The following UBAP2 variants were observed in gnomAD, a reference collection of about 807,000 sequenced individuals.
The protein encoded by UBAP2 is ubiquitin-associated protein 2.
In UBAP2, 75 loss-of-function variants were observed where a neutral mutation model predicts 139.6. The observed-to-expected ratio is 0.54, with a 90% CI of 0.45 to 0.65. The LOEUF is 0.65. Ranked by LOEUF, UBAP2 falls within the 30% of genes least tolerant of loss-of-function variation. UBAP2 has a pLI of 0.00. For missense variants in UBAP2, 1,368 were observed against 1,369.6 expected, an observed-to-expected ratio of 1.00 and a Z score of 0.02; for synonymous variants, 526 against 526.2, an observed-to-expected ratio of 1.00 and a Z score of 0.01.
chr9:33,943,332 T>C (rs556947297), intron 15 of UBAP2, 88 bp downstream of exon 15: 6 of 1,336,396 alleles, frequency 4.5e-6, no homozygotes, highest in South Asian at 4.2e-5. Flanking sequence ...ACACTGAGGA[T>C]AGCTATTACC....
rs142537937 is a variant in UBAP2 at position 33,932,430 on chromosome 9, C to T, written c.2175+132G>A. 292 of 1,022,790 alleles carry T rather than the reference C, an allele frequency of 2.9e-4. No homozygotes were observed. In the African/African-American group the frequency reaches 4.3e-3, roughly 15 times the overall value. The allele number at this position is 1,022,790 out of a possible 1,614,324, so 63.4% of individuals were successfully genotyped here. A position where few individuals can be genotyped will look rare whatever the true frequency, so the allele number is the denominator to read the frequency against. On this transcript the variant is annotated intron_variant, in intron 19 of 28. Coordinates refer to ENST00000379238, the MANE Select transcript of UBAP2 (RefSeq NM_001370062.2). ...ATCAGAAGCTCGAACCAGATCATGC[C>T]ATCAAGACATTTCAGCCAAGCAACT...
chr9:33,997,721 A>G (rs1587634178), intron 3 of UBAP2: 1 of 152,210 alleles, frequency 6.6e-6, no homozygotes, highest in East Asian at 1.9e-4. Flanking sequence ...CTAAAATTAG[A>G]ACTTAAATCT....
intron 1 of UBAP2, among the ~76,000 whole-genome samples, chr9:34,042,361 C>T (rs1275232686): frequency 1.3e-5 from 2 of 151,532 alleles, no homozygotes; most frequent in South Asian, 2.1e-4. Flanking sequence ...ACCTATAATC[C>T]GAGCTACTCG....
At chr9:33,936,943 A>C (rs950222872) in intron 16 of UBAP2, among the ~76,000 whole-genome samples, 26 of 151,150 alleles carry the variant, frequency 1.7e-4, no homozygotes, top group Admixed American at 6.6e-4. Flanking sequence ...AAAAAAAAAA[A>C]AAAAAAAAAC....
chr9:33,922,869 T>G lies in UBAP2; in HGVS notation c.3082A>C (p.Lys1028Gln). Residue 1028 changes from lysine (K) to glutamine (Q), a missense_variant, in exon 28 of 29, where the codon AAG (lysine) becomes CAG (glutamine). Lys to Gln is a moderately conservative substitution (Grantham distance 53). Transcript: ENST00000379238. ...SVYNKTQTFDKQGFHAGTPPP... is the reference protein window; with the variant it reads ...SVYNKTQTFDQQGFHAGTPPP... ...GGCGTCCCTGCATGAAATCCCTGCTTGTCAAAAGTCTACAGGGCAAAGAAG... is the reference window on the plus strand; with the variant it reads ...GGCGTCCCTGCATGAAATCCCTGCTGGTCAAAAGTCTACAGGGCAAAGAAG... The G allele has an allele frequency of 1.3e-6, 2 of 1,595,426 alleles. No homozygotes were observed. The highest frequency in any genetic ancestry group is 1.7e-6 in the Non-Finnish European group (2 of 1,168,406).
At chr9:34,025,160 A>G (rs1825301972) in intron 1 of UBAP2, among the ~76,000 whole-genome samples, 1 of 152,196 alleles carries the variant, frequency 6.6e-6, no homozygotes, top group African/African-American at 2.4e-5. Flanking sequence ...TACTGTTAGG[A>G]GGAACTTCTA....
intron 28 of UBAP2, 23 bp from the exon 29 acceptor site, chr9:33,922,622 G>A: frequency 6.2e-7 from 1 of 1,608,704 alleles, no homozygotes; most frequent in Non-Finnish European, 8.5e-7. Context: ...AGAAGGGAAG[G>A]CTGTCAAGGC....
At chr9:34,030,079 C>T (rs908531832) in intron 1 of UBAP2, among the ~76,000 whole-genome samples, 3 of 151,378 alleles carry the variant, frequency 2.0e-5, no homozygotes, top group Admixed American at 6.6e-5. Context: ...GGCAGGAGAG[C>T]AGTGTGGGGC....
chr9:34,039,379 C>G lies in UBAP2; in HGVS notation c.-42+9446G>C, dbSNP rs1040797092. Among the ~76,000 whole-genome samples the G allele has an allele frequency of 2.0e-5, 3 of 152,144 alleles. No individual in the cohort carries two copies. In the East Asian group the frequency reaches 5.8e-4, roughly 29 times the overall value. ...ACCCAACTGCTCATTGAGAACGGGC[C>G]ATGATGACGATGGCGGTTTTGTCGA... is the stretch of plus-strand genomic sequence containing the variant. On this transcript the variant is annotated intron_variant, in intron 1 of 28. Transcript: ENST00000379238.
At chr9:33,923,577 C>G in intron 24 of UBAP2, 99 bp from the exon 25 acceptor site, 1 of 1,237,720 alleles carries the variant, frequency 8.1e-7, no homozygotes, top group Non-Finnish European at 1.2e-6. Context: ...GACATACCCA[C>G]AACCACAGGG....
chr9:33,962,027 T>A (rs1422931252), intron 9 of UBAP2, among the ~76,000 whole-genome samples: 1 of 152,184 alleles, frequency 6.6e-6, no homozygotes, highest in Non-Finnish European at 1.5e-5. Flanking sequence ...TAATTCTGTC[T>A]GAGAAACCAC....
chr9:33,963,769 G>A lies in UBAP2; in HGVS notation c.702C>T (p.Asn234=). 4 of 1,612,614 alleles carry A rather than the reference G, an allele frequency of 2.5e-6. No homozygotes were observed. The highest frequency in any genetic ancestry group is 3.4e-6 in the Non-Finnish European group (4 of 1,178,888). ...TTTTGTTTGACAGATCCTGAGCTAT[G>A]TTGTGAGTATTTGATGCCAGTTCTG... ...EGTELASNTH[N]IAQDLSNKSS... The change falls in exon 9 of 29, where the codon AAC becomes AAT. Residue 234 remains asparagine, a synonymous_variant. Transcript: ENST00000379238.
intron 8 of UBAP2, among the ~76,000 whole-genome samples, chr9:33,970,408 T>G (rs1587586226): frequency 1.3e-5 from 2 of 151,946 alleles, no homozygotes; most frequent in Non-Finnish European, 2.9e-5. Flanking sequence ...TTGGCTAGGG[T>G]TGATGTTATA....
Position 33,922,594 on chromosome 9 carries a change from G to A in UBAP2, c.3270C>T (p.Gly1090=). ...HHHLPQDAQS[G]SGQRSQPSSL... ...AGCTGGGCTGGCTGCGCTGACCCGA[G>A]CCACTCTGAGGAAGAGGAGAAGGGA... Residue 1090 remains glycine (G), a synonymous_variant, in exon 29 of 29, where the codon GGC becomes GGT. Coordinates refer to ENST00000379238, the MANE Select transcript of UBAP2 (RefSeq NM_001370062.2). 1 of 1,613,440 alleles carries A rather than the reference G, an allele frequency of 6.2e-7. No individual in the cohort carries two copies. Among genetic ancestry groups the A allele is most frequent in the Non-Finnish European group, 8.5e-7 (1 of 1,179,710 alleles).
intron 1 of UBAP2, among the ~76,000 whole-genome samples, chr9:34,017,934 A>C (rs1358812489): frequency 6.6e-6 from 1 of 152,208 alleles, no homozygotes. Flanking sequence ...CTCAAAAAAA[A>C]AAAAAAATTG....
rs566241587 is a variant in UBAP2, at chr9:34,041,765, T to A, written c.-42+7060A>T. 8.5e-5 allele frequency among the ~76,000 whole-genome samples: 13 copies of A among 152,058 alleles called. No homozygotes were observed. The South Asian group carries it at 2.7e-3, about 32-fold the overall frequency. On this transcript the variant is annotated intron_variant, in intron 1 of 28. Coordinates refer to ENST00000379238, the MANE Select transcript of UBAP2 (RefSeq NM_001370062.2). Reference sequence around the variant, plus strand: ...GGGGCTGGGTGCAGTGGCTCATGCCTGTAATACCAGAACTTTGGGAGGCCG... The same window carrying A: ...GGGGCTGGGTGCAGTGGCTCATGCCAGTAATACCAGAACTTTGGGAGGCCG...
intron 1 of UBAP2, among the ~76,000 whole-genome samples, chr9:34,037,919 A>G (rs1047195494): frequency 3.3e-5 from 5 of 150,132 alleles, no homozygotes; most frequent in Non-Finnish European, 7.4e-5. Context: ...TAATCCCAAC[A>G]CTTTGGGAGG....
At chr9:34,038,434 C>T (rs752688342) in intron 1 of UBAP2, among the ~76,000 whole-genome samples, 11 of 152,338 alleles carry the variant, frequency 7.2e-5, no homozygotes, top group East Asian at 5.8e-4. Flanking sequence ...AGGCGCGCGC[C>T]GCCACACCTG....
At position 33,924,244 on chromosome 9, in the gene UBAP2, G is replaced by A. The variant is rs376026159; in HGVS notation, c.2552C>T (p.Ala851Val). The part of the protein sequence containing the change: ...GIPFAAPTAL[A>V]SRDGSLANNP... ...ATTAGCTAGGCTCCCATCTCGGCTG[G>A]CAAGCGCTGTGGGTGCAGCAAAGGG... The change falls in exon 23 of 29, where the codon GCC becomes GTC. Residue 851 changes from alanine (A) to valine (V), a missense_variant. By Grantham distance (64) the Ala-to-Val change is moderately conservative (BLOSUM62 0). Coordinates refer to ENST00000379238, the MANE Select transcript of UBAP2 (RefSeq NM_001370062.2). The A allele has an allele frequency of 3.7e-5, 60 of 1,614,064 alleles. No individual in the cohort carries two copies. The highest frequency in any genetic ancestry group is 4.9e-5 in the Non-Finnish European group (58 of 1,180,030).
Sources: gnomAD v4.1 joint callset for allele counts (sites outside exome capture counted in the v4.1 genomes callset) on GRCh38, gnomAD v4.1.1 for gene constraint, MANE v1.5 for transcripts, NCBI Gene and HGNC (gene_info 2026-07-23, HGNC 2026-07-21) for gene names.